Variants in KCTD16 observed in about 807,000 individuals in gnomAD.
KCTD16 encodes the protein BTB/POZ domain-containing protein KCTD16.
Under a neutral mutation model 33.2 loss-of-function variants are expected in KCTD16, and 13 were observed. That is an observed-to-expected ratio of 0.39 (90% CI 0.25 to 0.62). The LOEUF (loss-of-function observed/expected upper bound fraction) is 0.62. Among genes scored for constraint, KCTD16 ranks in the 20% least tolerant of loss-of-function variants. KCTD16 has a pLI of 0.50. For synonymous variants in KCTD16, 197 were observed against 195.3 expected (o/e 1.01, Z -0.07); for missense variants, 441 against 525.1 (o/e 0.84, Z 1.57).
chr5:144,301,240 CAAA>C (rs5871873), intron 3 of KCTD16, among the ~76,000 whole-genome samples: 242 of 74,672 alleles, frequency 3.2e-3, no homozygotes, highest in South Asian at 0.023. Flanking sequence ...GATTCCATCT[CAAA>C]AAAAAAAAAA....
At chr5:144,390,990 CTTTATG>C in intron 3 of KCTD16, among the ~76,000 whole-genome samples, 1 of 151,980 alleles carries the variant, frequency 6.6e-6, no homozygotes, top group Non-Finnish European at 1.5e-5. Flanking sequence ...TGGTTGGTGC[CTTTATG>C]AGTACCTACA....
chr5:144,389,665 C>T (rs888770952), intron 3 of KCTD16, among the ~76,000 whole-genome samples: 39 of 19,824 alleles, frequency 2.0e-3, no homozygotes, highest in Non-Finnish European at 2.6e-3. Context: ...CCCCACCTGG[C>T]CCAATCTGTG....
At chr5:144,354,226 A>G (rs1347630330) in intron 3 of KCTD16, among the ~76,000 whole-genome samples, 2 of 152,084 alleles carry the variant, frequency 1.3e-5, no homozygotes. Flanking sequence ...AATTCAATAT[A>G]TATATATAGA....
At chr5:144,268,859 G>A (rs1755219515) in intron 3 of KCTD16, among the ~76,000 whole-genome samples, 1 of 152,038 alleles carries the variant, frequency 6.6e-6, no homozygotes, top group Non-Finnish European at 1.5e-5. Context: ...AGAAAACAAT[G>A]TATGAACAAA....
chr5:144,426,092 A>C (rs562969586), intron 3 of KCTD16, among the ~76,000 whole-genome samples: 3 of 152,268 alleles, frequency 2.0e-5, no homozygotes, highest in Non-Finnish European at 2.9e-5. Context: ...CACTGTATGC[A>C]GCTAAAACCA....
intron 2 of KCTD16, chr5:144,205,485 G>T: frequency 2.5e-6 from 1 of 398,782 alleles, no homozygotes; most frequent in Non-Finnish European, 4.4e-6. Flanking sequence ...CGCTGCGTTG[G>T]CCTCTGGCTC....
chr5:144,309,115 CT>C (rs1387104117), intron 3 of KCTD16, among the ~76,000 whole-genome samples: 1 of 152,112 alleles, frequency 6.6e-6, no homozygotes, highest in Non-Finnish European at 1.5e-5. Context: ...ACATTTCACG[CT>C]GCCTTTTTTC....
intron 3 of KCTD16, among the ~76,000 whole-genome samples, chr5:144,269,463 A>C (rs981584609): frequency 6.6e-6 from 1 of 152,110 alleles, no homozygotes; most frequent in African/African-American, 2.4e-5. Flanking sequence ...AAAAGAAAAA[A>C]ATCAACAAAT....
At chr5:144,408,714 G>C (rs981166888) in intron 3 of KCTD16, among the ~76,000 whole-genome samples, 17 of 152,116 alleles carry the variant, frequency 1.1e-4, no homozygotes, top group Admixed American at 1.1e-3. Context: ...GGCCTACTGG[G>C]CTCTTTGAGA....
chr5:144,334,570 T>C (rs1752433995), intron 3 of KCTD16, among the ~76,000 whole-genome samples: 1 of 152,178 alleles, frequency 6.6e-6, no homozygotes, highest in African/African-American at 2.4e-5. Flanking sequence ...GTGTGTGCTA[T>C]GTGCCAGGCA....
intron 3 of KCTD16, among the ~76,000 whole-genome samples, chr5:144,231,924 A>G (rs565265789): frequency 6.6e-6 from 1 of 152,304 alleles, no homozygotes; most frequent in Non-Finnish European, 1.5e-5. Context: ...CTAATACACT[A>G]TCATATTTCA....
intron 3 of KCTD16, among the ~76,000 whole-genome samples, chr5:144,367,742 G>T (rs1433633337): frequency 2.7e-5 from 4 of 149,258 alleles, no homozygotes; most frequent in Non-Finnish European, 5.9e-5. Context: ...TTCATGTGCA[G>T]GTTTGTTACA....
At chr5:144,277,418 T>C (rs1414598380) in intron 3 of KCTD16, among the ~76,000 whole-genome samples, 1 of 152,164 alleles carries the variant, frequency 6.6e-6, no homozygotes, top group African/African-American at 2.4e-5. Flanking sequence ...TAAGCTTAGT[T>C]AGAGAAAAGA....
intron 3 of KCTD16, among the ~76,000 whole-genome samples, chr5:144,265,013 G>A (rs1330327593): frequency 6.6e-6 from 1 of 152,158 alleles, no homozygotes; most frequent in Non-Finnish European, 1.5e-5. Context: ...TCTTGCCAGA[G>A]ACATATACTT....
Position 144,473,718 on chromosome 5 carries a change from T to C in KCTD16, c.891T>C (p.Gly297=). 5 of 1,611,248 alleles carry C rather than the reference T, an allele frequency of 3.1e-6. No individual in the cohort carries two copies. Among genetic ancestry groups the C allele is most frequent in the Non-Finnish European group, 4.2e-6 (5 of 1,177,734 alleles). ...ATTGCTGCTGCAAGAATGGCAAAGG[T>C]GACAAAGAAGGGGAGAGCGGCACGT... is the stretch of plus-strand genomic sequence containing the variant. The part of the protein sequence containing the change: ...HCDCCCKNGK[G]DKEGESGTSC... Residue 297 remains glycine, a synonymous_variant, in exon 4 of 4, where the codon GGT becomes GGC. Transcript: ENST00000512467.
chr5:144,196,485 AT>A (rs1401632399), intron 2 of KCTD16, among the ~76,000 whole-genome samples: 1 of 152,106 alleles, frequency 6.6e-6, no homozygotes, highest in East Asian at 1.9e-4. Flanking sequence ...CTTTCATCTA[AT>A]TTTTAATCTT....
chr5:144,301,176 G>A (rs1751427561), intron 3 of KCTD16, among the ~76,000 whole-genome samples: 1 of 151,116 alleles, frequency 6.6e-6, no homozygotes, highest in Non-Finnish European at 1.5e-5. Flanking sequence ...GGGAGGTGGA[G>A]GTTGCAGTGA....
chr5:144,405,532 C>A (rs1244990620), intron 3 of KCTD16, among the ~76,000 whole-genome samples: 1 of 152,146 alleles, frequency 6.6e-6, no homozygotes, highest in Non-Finnish European at 1.5e-5. Flanking sequence ...CTTTATTGTG[C>A]TTGAAGACTC....
intron 3 of KCTD16, among the ~76,000 whole-genome samples, chr5:144,350,781 T>TC (rs1554089356): frequency 8.6e-4 from 131 of 152,042 alleles, no homozygotes; most frequent in Middle Eastern, 3.4e-3. Flanking sequence ...CTTTTTTTTT[T>TC]TCTCTCTCTC....
Sources: allele counts gnomAD v4.1 joint callset (sites outside exome capture counted in the v4.1 genomes callset), GRCh38; gene constraint gnomAD v4.1.1; transcripts MANE v1.5; gene names NCBI Gene and HGNC (gene_info 2026-07-23, HGNC 2026-07-21).